The following CCDC91 variants were observed in gnomAD, a reference collection of about 807,000 sequenced individuals.
The protein encoded by CCDC91 is coiled-coil domain-containing protein 91.
Under a neutral mutation model 63.2 loss-of-function variants are expected in CCDC91, and 48 were observed. The ratio of observed to expected loss-of-function variants is 0.76; its 90% CI spans 0.60 to 0.97. The LOEUF (loss-of-function observed/expected upper bound fraction) is 0.97. Ranked by LOEUF, CCDC91 falls within the 50% of genes least tolerant of loss-of-function variation. The probability of loss-of-function intolerance (pLI) is 0.00; values close to 1 mark genes in which losing one functional copy is unlikely to be tolerated. For missense variants in CCDC91, 500 were observed against 494.6 expected (o/e 1.01, Z -0.10); for synonymous variants, 167 against 165.8 (o/e 1.01, Z -0.06).
At chr12:28,362,628 A>G (rs1389870229) in intron 7 of CCDC91, 113 bp downstream of exon 7, 3 of 565,778 alleles carry the variant, frequency 5.3e-6, no homozygotes, top group African/African-American at 2.0e-5. Context: ...TTATTTTGCT[A>G]TAGAATTTCT....
At chr12:28,536,042 AAT>A (rs1555130514) in intron 12 of CCDC91, among the ~76,000 whole-genome samples, 5 of 150,958 alleles carry the variant, frequency 3.3e-5, no homozygotes, top group South Asian at 4.2e-4. Context: ...AAAAAAAAAA[AAT>A]ATATATTGTG....
At chr12:28,212,304 T>G (rs1943286168) in intron 1 of CCDC91, among the ~76,000 whole-genome samples, 2 of 152,174 alleles carry the variant, frequency 1.3e-5, no homozygotes, top group South Asian at 4.1e-4. Context: ...TCACAGCAGA[T>G]TCAAAGAGAC....
At chr12:28,528,823 G>A (rs1418788412) in intron 12 of CCDC91, among the ~76,000 whole-genome samples, 1 of 151,922 alleles carries the variant, frequency 6.6e-6, no homozygotes, top group Non-Finnish European at 1.5e-5. Context: ...TTTATTTTTT[G>A]ATATTTTCAA....
chr12:28,201,789 GC>G (rs1448858407), intron 1 of CCDC91, among the ~76,000 whole-genome samples: 1 of 144,500 alleles, frequency 6.9e-6, no homozygotes, highest in Non-Finnish European at 1.6e-5. Context: ...ACCCCAGGAG[GC>G]CGAGGCTGGC....
At chr12:28,468,538 T>C (rs1194635051) in intron 11 of CCDC91, among the ~76,000 whole-genome samples, 1 of 151,996 alleles carries the variant, frequency 6.6e-6, no homozygotes, top group African/African-American at 2.4e-5. Context: ...ATACCAATCC[T>C]TCTCAAACTA....
At chr12:28,315,015 T>A (rs1264718132) in intron 6 of CCDC91, among the ~76,000 whole-genome samples, 1 of 151,926 alleles carries the variant, frequency 6.6e-6, no homozygotes, top group East Asian at 1.9e-4. Context: ...ATTAGAATAA[T>A]AAACATTGCC....
chr12:28,361,978 G>C lies in CCDC91; in HGVS notation c.577-460G>C, dbSNP rs374146469. On this transcript the variant is annotated intron_variant, in intron 6 of 12. Coordinates refer to ENST00000536442, the MANE Select transcript of CCDC91 (RefSeq NM_018318.5). Reference sequence around the variant, plus strand: ...TCATATGTGAAAAACTGGAAAGATTGTAGGATGTTAACAGTGTCCAAAGAG... The same window carrying C: ...TCATATGTGAAAAACTGGAAAGATTCTAGGATGTTAACAGTGTCCAAAGAG... Among the ~76,000 whole-genome samples, 19 of 152,200 alleles carry C rather than the reference G, an allele frequency of 1.2e-4. No homozygotes were observed. In the East Asian group the frequency reaches 2.1e-3, roughly 17 times the overall value.
At chr12:28,355,000 C>G (rs1238279804) in intron 6 of CCDC91, among the ~76,000 whole-genome samples, 1 of 151,940 alleles carries the variant, frequency 6.6e-6, no homozygotes, top group Non-Finnish European at 1.5e-5. Flanking sequence ...TCCCTCCTGC[C>G]TCTCCTTTTT....
chr12:28,542,590 G>GCA (rs1352245410), intron 12 of CCDC91, among the ~76,000 whole-genome samples: 3 of 152,040 alleles, frequency 2.0e-5, no homozygotes, highest in African/African-American at 7.2e-5. Context: ...CAAAGTTAAG[G>GCA]CACCCAGCAC....
At chr12:28,369,510 T>C (rs961830153) in intron 7 of CCDC91, among the ~76,000 whole-genome samples, 3 of 152,174 alleles carry the variant, frequency 2.0e-5, no homozygotes, top group African/African-American at 7.2e-5. Context: ...TACAGGTTTT[T>C]CAGGCATACA....
intron 3 of CCDC91, among the ~76,000 whole-genome samples, chr12:28,294,813 G>A (rs1391082800): frequency 1.3e-5 from 2 of 152,024 alleles, no homozygotes; most frequent in Non-Finnish European, 2.9e-5. Flanking sequence ...TGGAACTCCC[G>A]ACCTCAGGTG....
At chr12:28,310,774 A>G (rs1939241105) in intron 6 of CCDC91, among the ~76,000 whole-genome samples, 3 of 151,904 alleles carry the variant, frequency 2.0e-5, no homozygotes. Context: ...TAAAATTTCC[A>G]TTTGGTTCTC....
intron 12 of CCDC91, among the ~76,000 whole-genome samples, chr12:28,486,354 T>A (rs1443525489): frequency 1.3e-5 from 2 of 152,192 alleles, no homozygotes; most frequent in Admixed American, 1.3e-4. Flanking sequence ...TGTACATATA[T>A]ACCACATTTT....
rs546927193 is a variant in CCDC91, at chr12:28,450,068, A to G, written c.763-93A>G. The G allele has an allele frequency of 1.0e-4, 72 of 714,862 alleles. No individual in the cohort carries two copies. The African/African-American group carries it at 1.0e-3, about 10-fold the overall frequency. The allele number at this position is 714,862 out of a possible 1,614,324, so 44.3% of individuals were successfully genotyped here. A position where few individuals can be genotyped will look rare whatever the true frequency, so the allele number is the denominator to read the frequency against. On this transcript the variant is annotated intron_variant, in intron 8 of 12. Transcript: ENST00000536442. ...ATTTTTTCCTTTTGTAACTACTTCA[A>G]TTTTCTGGACAAATGAATTCTACCA...
At chr12:28,546,367 A>G (rs545369383) in intron 12 of CCDC91, among the ~76,000 whole-genome samples, 9 of 152,074 alleles carry the variant, frequency 5.9e-5, no homozygotes, top group South Asian at 2.1e-4. Context: ...AATATTTTAT[A>G]TTGGCAATAT....
intron 3 of CCDC91, among the ~76,000 whole-genome samples, chr12:28,299,544 T>A (rs2136965292): frequency 6.6e-6 from 1 of 151,708 alleles, no homozygotes; most frequent in Non-Finnish European, 1.5e-5. Flanking sequence ...TTCATTTTTC[T>A]TTTATTGAGT....
intron 12 of CCDC91, among the ~76,000 whole-genome samples, chr12:28,534,415 G>C (rs188085652): frequency 1.3e-5 from 2 of 152,122 alleles, no homozygotes; most frequent in African/African-American, 2.4e-5. Flanking sequence ...ACCTTGTAGA[G>C]GGAGCATCAA....
intron 12 of CCDC91, 39 bp from the exon 13 acceptor site, chr12:28,549,024 T>C (rs773037630): frequency 7.3e-7 from 1 of 1,368,580 alleles, no homozygotes; most frequent in Non-Finnish European, 1.0e-6. Flanking sequence ...CTCAGTATTT[T>C]TTTTTCTCTT....
intron 8 of CCDC91, among the ~76,000 whole-genome samples, chr12:28,446,337 TTC>T (rs769072952): frequency 2.0e-5 from 3 of 152,170 alleles, no homozygotes; most frequent in Non-Finnish European, 4.4e-5. Context: ...TTCAGCATTT[TTC>T]TGTTTGAGGT....
Sources: allele counts gnomAD v4.1 joint callset (sites outside exome capture counted in the v4.1 genomes callset), GRCh38; gene constraint gnomAD v4.1.1; transcripts MANE v1.5; gene names NCBI Gene and HGNC (gene_info 2026-07-23, HGNC 2026-07-21).